The following AMOTL2 variants were observed in gnomAD, a reference collection of about 807,000 sequenced individuals.
The protein encoded by AMOTL2 is angiomotin-like protein 2.
Under a neutral mutation model 78.4 loss-of-function variants are expected in AMOTL2, and 33 were observed. That is an observed-to-expected ratio of 0.42 (90% CI 0.32 to 0.56). The LOEUF is 0.56. Among genes scored for constraint, AMOTL2 ranks in the 20% least tolerant of loss-of-function variants. The probability of loss-of-function intolerance (pLI) is 0.12; values close to 1 mark genes in which losing one functional copy is unlikely to be tolerated. For missense variants in AMOTL2, 983 were observed against 1,030.1 expected (o/e 0.95, Z 0.63); for synonymous variants, 422 against 428.8 (o/e 0.98, Z 0.20).
intron 2 of AMOTL2, among the ~76,000 whole-genome samples, chr3:134,369,484 G>T (rs1329044839): frequency 5.9e-5 from 9 of 152,164 alleles, no homozygotes; most frequent in Admixed American, 5.9e-4. Flanking sequence ...CAATAAGGCT[G>T]GTCCAAAAGA....
chr3:134,367,754 A>ACTG lies in AMOTL2; in HGVS notation c.781_783dup (p.Gln261dup). On this transcript the variant is annotated inframe_insertion, in exon 3 of 10. Transcript: ENST00000249883. ...TCCTGAGATTGCTGCAGGTACTGGT[A>ACTG]CTGCTGCTGCTGTTGGAGGAACACA... The ACTG allele has an allele frequency of 3.1e-6, 5 of 1,613,732 alleles. No individual in the cohort carries two copies. In the Admixed American group the frequency reaches 6.7e-5, roughly 22 times the overall value.
At position 134,370,726 on chromosome 3, in the gene AMOTL2, G is replaced by A. The variant is rs1057088006; in HGVS notation, c.708C>T (p.Ser236=). ...VTDPRYRARG[S]PHFQHAEVRI... The stretch of plus-strand genomic sequence containing the variant: ...TGACTTCAGCATGCTGGAAGTGCGG[G>A]CTGCCGCGGGCACGGTACCGTGGGT... The change falls in exon 2 of 10, where the codon AGC becomes AGT. Residue 236 remains serine (S), a synonymous_variant. Coordinates refer to ENST00000249883, the MANE Select transcript of AMOTL2 (RefSeq NM_016201.4). The A allele has an allele frequency of 6.6e-7, 1 of 1,510,778 alleles. No individual in the cohort carries two copies. Among genetic ancestry groups the A allele is most frequent in the African/African-American group, 1.4e-5 (1 of 71,684 alleles). 93.6% of individuals were successfully genotyped at this position (1,510,778 alleles called of 1,614,324 possible).
upstream of AMOTL2, chr3:134,374,744 C>G (rs1031824040): frequency 4.0e-4 from 392 of 989,736 alleles, no homozygotes; most frequent in Non-Finnish European, 4.6e-4. Flanking sequence ...GCTTTGCCTT[C>G]GGAGCTGCTG....
rs377555364 is a variant in AMOTL2, at chr3:134,370,692, A to C, written c.734+8T>G. On this transcript the variant is annotated splice_region_variant and intron_variant, in intron 2 of 9. Transcript: ENST00000249883. Reference sequence around the variant, plus strand: ...AGGAGTTGGAAAGCCCAAGGTGGGGAGAGTTACCTGACTTCAGCATGCTGG... The same window carrying C: ...AGGAGTTGGAAAGCCCAAGGTGGGGCGAGTTACCTGACTTCAGCATGCTGG... 2 of 1,507,388 alleles carry C rather than the reference A, an allele frequency of 1.3e-6. No homozygotes were observed. Among genetic ancestry groups the C allele is most frequent in the African/African-American group, 2.8e-5 (2 of 71,458 alleles). The allele number at this position is 1,507,388 out of a possible 1,614,324, so 93.4% of individuals were successfully genotyped here. A position where few individuals can be genotyped will look rare whatever the true frequency, so the allele number is the denominator to read the frequency against.
intron 9 of AMOTL2, among the ~76,000 whole-genome samples, chr3:134,358,293 T>G (rs2017163992): frequency 6.6e-6 from 1 of 152,194 alleles, no homozygotes; most frequent in African/African-American, 2.4e-5. Context: ...TCTGGTTGCT[T>G]TCTTTCTGAA....
upstream of AMOTL2, chr3:134,374,854 G>A: frequency 8.2e-7 from 1 of 1,217,452 alleles, no homozygotes; most frequent in Non-Finnish European, 1.0e-6. Flanking sequence ...ACGACAGCAA[G>A]GGCTGTACCA....
chr3:134,371,372 C>T lies in AMOTL2; in HGVS notation c.62G>A (p.Arg21His), dbSNP rs755745448. 14 of 1,609,328 alleles carry T rather than the reference C, an allele frequency of 8.7e-6. No homozygotes were observed. Among genetic ancestry groups the T allele is most frequent in the Admixed American group, 5.0e-5 (3 of 60,006 alleles). Reference sequence around the variant, plus strand: ...GCGCGTCTCAGTCAGGTTGCCGTAGCGCAGCTGCTCCTGGATGAGGCGGTG... The same window carrying T: ...GCGCGTCTCAGTCAGGTTGCCGTAGTGCAGCTGCTCCTGGATGAGGCGGTG... ...VLHRLIQEQL[R>H]YGNLTETRTL... The change falls in exon 2 of 10, where the codon CGC becomes CAC. Residue 21 changes from arginine to histidine, a missense_variant. Coordinates refer to ENST00000249883, the MANE Select transcript of AMOTL2 (RefSeq NM_016201.4).
intron 5 of AMOTL2, among the ~76,000 whole-genome samples, chr3:134,362,208 G>T (rs951897808): frequency 2.0e-5 from 3 of 152,222 alleles, no homozygotes; most frequent in African/African-American, 4.8e-5. Flanking sequence ...TGAGAAAATA[G>T]AGACTCAGGT....
At chr3:134,369,291 T>C (rs1353777) in intron 2 of AMOTL2, among the ~76,000 whole-genome samples, 56,157 of 152,054 alleles carry the variant, frequency 0.37, 11,670 homozygotes, top group East Asian at 0.91. Context: ...TGCTCCCCCC[T>C]GCACTGGGCC....
At position 134,371,621 on chromosome 3, in the gene AMOTL2, C is replaced by T. The variant is rs961072472; in HGVS notation, c.-61-127G>A. The stretch of plus-strand genomic sequence containing the variant: ...ATAAAAGTGAAGAGCAGGGGTGGGG[C>T]GGTTCACACAAGCCTGGGTTCAAGT... On this transcript the variant is annotated intron_variant, in intron 1 of 9. Transcript: ENST00000249883. 53 of 1,413,232 alleles carry T rather than the reference C, an allele frequency of 3.8e-5. 1 individual carries two copies. The South Asian group carries it at 4.1e-4, about 11-fold the overall frequency. The allele number at this position is 1,413,232 out of a possible 1,614,324, so 87.5% of individuals were successfully genotyped here.
At position 134,367,481 on chromosome 3, in the gene AMOTL2, C is replaced by T. The variant is rs1328438454; in HGVS notation, c.1041+16G>A. ...CTCTTTCTGGTCTGCCCTTCTGAAG[C>T]CCCAGCAGGGCCTACCTTCTCAATG... On this transcript the variant is annotated intron_variant, in intron 3 of 9. Transcript: ENST00000249883. The T allele has an allele frequency of 1.2e-6, 2 of 1,609,432 alleles. No individual in the cohort carries two copies. Among genetic ancestry groups the T allele is most frequent in the Non-Finnish European group, 1.7e-6 (2 of 1,179,338 alleles).
At chr3:134,363,784 A>G (rs2017478515) in intron 5 of AMOTL2, among the ~76,000 whole-genome samples, 1 of 152,152 alleles carries the variant, frequency 6.6e-6, no homozygotes, top group Non-Finnish European at 1.5e-5. Flanking sequence ...AATAGCTACT[A>G]GGGAGCAAGG....
At chr3:134,372,890 A>T in intron 1 of AMOTL2, among the ~76,000 whole-genome samples, 1 of 148,980 alleles carries the variant, frequency 6.7e-6, no homozygotes. Context: ...ATCCAGGGAA[A>T]ACTAAACAGA....
intron 2 of AMOTL2, among the ~76,000 whole-genome samples, chr3:134,369,391 T>C (rs908918384): frequency 3.9e-5 from 6 of 152,246 alleles, no homozygotes; most frequent in African/African-American, 1.4e-4. Flanking sequence ...TCCTTTCTCC[T>C]CGTCCTCTCC....
chr3:134,366,479 G>T, intron 3 of AMOTL2, 52 bp from the exon 4 acceptor site: 2 of 1,568,564 alleles, frequency 1.3e-6, no homozygotes, highest in South Asian at 1.2e-5. Flanking sequence ...CCCAGGGAGT[G>T]ATTCGAGGCT....
intron 5 of AMOTL2, among the ~76,000 whole-genome samples, chr3:134,364,652 T>C (rs538256805): frequency 6.2e-4 from 94 of 152,186 alleles, no homozygotes; most frequent in African/African-American, 2.1e-3. Flanking sequence ...CCTTCAGTGC[T>C]GTGTTCCCCC....
chr3:134,366,192 G>C lies in AMOTL2; in HGVS notation c.1186+91C>G, dbSNP rs983986019. ...TCTGAGTTCATCTGCACTTTTGACA[G>C]AGAATAGAGATTCCCAATTTTTCTC... On this transcript the variant is annotated intron_variant, in intron 4 of 9. Coordinates refer to ENST00000249883, the MANE Select transcript of AMOTL2 (RefSeq NM_016201.4). 1.5e-5 allele frequency: 23 copies of C among 1,518,400 alleles called. No homozygotes were observed. In the African/African-American group the frequency reaches 3.2e-4, roughly 21 times the overall value. The allele number at this position is 1,518,400 out of a possible 1,614,324, so 94.1% of individuals were successfully genotyped here.
At position 134,361,725 on chromosome 3, in the gene AMOTL2, A is replaced by G. The variant is rs113677766; in HGVS notation, c.1362T>C (p.Arg454=). Residue 454 remains arginine, a synonymous_variant, in exon 6 of 10, where the codon CGT becomes CGC. Transcript: ENST00000249883. ...LRGAIEDQRR[R]AELLEQALGN... is the part of the protein sequence containing the mutation. The stretch of plus-strand genomic sequence containing the variant: ...CCAGAGCCTGCTCCAGCAGCTCGGC[A>G]CGCCGCCGCTGGTCCTCGATGGCGC... 2,026 of 1,607,854 alleles carry G rather than the reference A, an allele frequency of 1.3e-3. 15 individuals are homozygous for G. The African/African-American group carries it at 0.02, about 16-fold the overall frequency.
At chr3:134,359,684 G>A (rs2017259541) in intron 7 of AMOTL2, among the ~76,000 whole-genome samples, 181 bp from the exon 8 acceptor site, 1 of 152,160 alleles carries the variant, frequency 6.6e-6, no homozygotes, top group Non-Finnish European at 1.5e-5. Flanking sequence ...CACAGCTCTG[G>A]AATTTGATGC....
Sources: allele counts gnomAD v4.1 joint callset (sites outside exome capture counted in the v4.1 genomes callset), GRCh38; gene constraint gnomAD v4.1.1; transcripts MANE v1.5; gene names NCBI Gene and HGNC (gene_info 2026-07-23, HGNC 2026-07-21).